The following DPYD variants were observed in gnomAD, a reference collection of about 807,000 sequenced individuals.
DPYD encodes dihydropyrimidine dehydrogenase [NADP(+)].
In DPYD, 109 loss-of-function variants were observed where a neutral mutation model predicts 116.2. That is an observed-to-expected ratio of 0.94 (90% CI 0.80 to 1.10). The LOEUF (loss-of-function observed/expected upper bound fraction) is 1.10, where lower values mean the gene tolerates loss of function less well. DPYD is among the 50% of genes least tolerant of loss of function. The pLI is 0.00. For missense variants in DPYD, 1,302 were observed against 1,254.5 expected (o/e 1.04, Z -0.57); for synonymous variants, 440 against 432.0 (o/e 1.02, Z -0.23).
chr1:97,607,383 A>T (rs1172308664), intron 8 of DPYD, among the ~76,000 whole-genome samples: 1 of 151,788 alleles, frequency 6.6e-6, no homozygotes, highest in East Asian at 1.9e-4. Flanking sequence ...GTGATTCAGT[A>T]TAGTGGAAGA....
chr1:97,835,143 A>G (rs182790951), intron 2 of DPYD, among the ~76,000 whole-genome samples: 5 of 152,208 alleles, frequency 3.3e-5, no homozygotes, highest in African/African-American at 1.2e-4. Flanking sequence ...GAAATACAAT[A>G]TAATGCAGTA....
At chr1:97,274,747 A>G (rs907949650) in intron 18 of DPYD, among the ~76,000 whole-genome samples, 1 of 152,160 alleles carries the variant, frequency 6.6e-6, no homozygotes, top group African/African-American at 2.4e-5. Flanking sequence ...AATATGTTCT[A>G]TTACACAGGA....
At chr1:97,521,249 T>C (rs1648638226) in intron 12 of DPYD, among the ~76,000 whole-genome samples, 1 of 152,032 alleles carries the variant, frequency 6.6e-6, no homozygotes, top group South Asian at 2.1e-4. Context: ...TTTTTTCACA[T>C]GTTTGTTGGC....
chr1:97,264,175 T>G (rs1365227982), intron 18 of DPYD, among the ~76,000 whole-genome samples: 3 of 110,306 alleles, frequency 2.7e-5, no homozygotes, highest in African/African-American at 7.3e-5. Flanking sequence ...TTTTTTTTTT[T>G]TTTTTTTTTT....
chr1:97,433,858 G>A (rs561355765), intron 14 of DPYD, among the ~76,000 whole-genome samples: 163 of 152,218 alleles, frequency 1.1e-3, no homozygotes, highest in African/African-American at 3.7e-3. Flanking sequence ...AATAATTACT[G>A]TTATATGGTG....
chr1:97,197,280 T>C (rs1658881928), intron 19 of DPYD, among the ~76,000 whole-genome samples: 1 of 152,120 alleles, frequency 6.6e-6, no homozygotes, highest in African/African-American at 2.4e-5. Flanking sequence ...TCCACAGGGG[T>C]ATTTTTTTTC....
intron 2 of DPYD, among the ~76,000 whole-genome samples, chr1:97,833,409 T>A (rs1339185983): frequency 6.6e-6 from 1 of 152,168 alleles, no homozygotes; most frequent in Non-Finnish European, 1.5e-5. Flanking sequence ...AAGGAAATAA[T>A]TCTCTTGGAA....
intron 19 of DPYD, among the ~76,000 whole-genome samples, chr1:97,219,329 A>G (rs1660633449): frequency 6.6e-6 from 1 of 152,192 alleles, no homozygotes; most frequent in Non-Finnish European, 1.5e-5. Flanking sequence ...ATCTATTCTC[A>G]TCTGAACCCT....
intron 17 of DPYD, 45 bp downstream of exon 17, chr1:97,306,132 C>G (rs766425254): frequency 2.5e-5 from 40 of 1,610,726 alleles, no homozygotes; most frequent in Non-Finnish European, 3.3e-5. Flanking sequence ...ATAATGTGGG[C>G]CAATATTTAC....
At chr1:97,723,534 T>C (rs1330182727) in intron 4 of DPYD, among the ~76,000 whole-genome samples, 1 of 151,550 alleles carries the variant, frequency 6.6e-6, no homozygotes, top group Non-Finnish European at 1.5e-5. Flanking sequence ...ATTCGATTCA[T>C]TACACTTTAT....
At chr1:97,776,392 A>G (rs1239518176) in intron 3 of DPYD, among the ~76,000 whole-genome samples, 1 of 152,168 alleles carries the variant, frequency 6.6e-6, no homozygotes, top group Non-Finnish European at 1.5e-5. Context: ...CTCTGAAGTT[A>G]TCACAAAGGT....
intron 14 of DPYD, among the ~76,000 whole-genome samples, chr1:97,424,695 G>A (rs1344677338): frequency 2.0e-5 from 3 of 151,930 alleles, no homozygotes; most frequent in African/African-American, 4.8e-5. Flanking sequence ...TCCAGAAACC[G>A]ATACTAGCAT....
At chr1:97,622,556 A>G (rs1204384499) in intron 8 of DPYD, among the ~76,000 whole-genome samples, 1 of 152,032 alleles carries the variant, frequency 6.6e-6, no homozygotes, top group East Asian at 1.9e-4. Context: ...AAAACTAAGG[A>G]AATCTAGCAA....
chr1:97,441,508 C>G (rs1454937036), intron 14 of DPYD, among the ~76,000 whole-genome samples: 1 of 152,030 alleles, frequency 6.6e-6, no homozygotes, highest in East Asian at 1.9e-4. Context: ...CTTCCAGTTA[C>G]CTTTCATCTT....
chr1:97,317,520 A>G (rs1168294530), intron 16 of DPYD, among the ~76,000 whole-genome samples: 4 of 152,046 alleles, frequency 2.6e-5, no homozygotes. Context: ...GCAGCTTGGC[A>G]TTTGTTTTCT....
At chr1:97,902,732 T>C (rs1673426608) in intron 1 of DPYD, among the ~76,000 whole-genome samples, 1 of 151,876 alleles carries the variant, frequency 6.6e-6, no homozygotes, top group South Asian at 2.1e-4. Flanking sequence ...ATTCAGATTC[T>C]AATGAGATTT....
chr1:97,551,905 T>C (rs978348076), intron 11 of DPYD, among the ~76,000 whole-genome samples: 1 of 152,130 alleles, frequency 6.6e-6, no homozygotes, highest in Non-Finnish European at 1.5e-5. Flanking sequence ...ATCAAGTATA[T>C]ATACAGCATA....
chr1:97,298,419 A>T (rs544745231), intron 18 of DPYD, among the ~76,000 whole-genome samples: 3 of 152,274 alleles, frequency 2.0e-5, no homozygotes, highest in Admixed American at 6.5e-5. Context: ...CACCAAGAGG[A>T]TGTTGATATG....
At chr1:97,659,058 A>G (rs1659104015) in intron 8 of DPYD, among the ~76,000 whole-genome samples, 1 of 152,062 alleles carries the variant, frequency 6.6e-6, no homozygotes, top group African/African-American at 2.4e-5. Flanking sequence ...CCCAATACAC[A>G]TCCTCACACT....
Sources: allele counts gnomAD v4.1 joint callset (sites outside exome capture counted in the v4.1 genomes callset), GRCh38; gene constraint gnomAD v4.1.1; transcripts MANE v1.5; gene names NCBI Gene and HGNC (gene_info 2026-07-23, HGNC 2026-07-21).